Variants in SAGE1 observed in about 807,000 individuals in gnomAD.
SAGE1 encodes the protein cancer/testis antigen 14.
In SAGE1, 55 loss-of-function variants were observed where a neutral mutation model predicts 55.4. The ratio of observed to expected loss-of-function variants is 0.99; its 90% CI spans 0.80 to 1.24. SAGE1 has a LOEUF of 1.24. SAGE1 is among the 50% of genes most tolerant of loss of function. The probability of loss-of-function intolerance (pLI) is 0.00; values close to 1 mark genes in which losing one functional copy is unlikely to be tolerated. For missense variants in SAGE1, 710 were observed against 704.4 expected, an observed-to-expected ratio of 1.01 and a Z score of -0.09; for synonymous variants, 240 against 244.3, an observed-to-expected ratio of 0.98 and a Z score of 0.17.
chrX:135,894,578 AT>A (rs1234011372), intron 1 of SAGE1, among the ~76,000 whole-genome samples: 5 of 104,690 alleles, frequency 4.8e-5, no homozygotes, highest in Admixed American at 1.0e-4. Context: ...AGATTGTTAG[AT>A]TTTTTTTTTC....
chrX:135,895,894 G>T (rs1452761639), intron 1 of SAGE1, among the ~76,000 whole-genome samples: 46 of 111,388 alleles, frequency 4.1e-4, no homozygotes, highest in Non-Finnish European at 5.3e-4. Flanking sequence ...TTTTAGTTGG[G>T]ATGGTGGTAT....
chrX:135,895,687 A>T (rs1556593100), intron 1 of SAGE1, among the ~76,000 whole-genome samples: 1 of 111,607 alleles, frequency 9.0e-6, no homozygotes, highest in Non-Finnish European at 1.9e-5. Context: ...TCCACTTCAA[A>T]CGAGTCAGCT....
At chrX:135,900,320 A>G (rs2088652675) in intron 2 of SAGE1, among the ~76,000 whole-genome samples, 2 of 111,857 alleles carry the variant, frequency 1.8e-5, no homozygotes. Flanking sequence ...TTCTGAAATG[A>G]CCTTGCATCC....
chrX:135,900,296 CATTG>C (rs2088652080), intron 2 of SAGE1, among the ~76,000 whole-genome samples: 1 of 111,742 alleles, frequency 8.9e-6, no homozygotes, highest in African/African-American at 3.3e-5. Context: ...GAATTACATT[CATTG>C]ATTGGCCTAT....
intron 3 of SAGE1, 111 bp downstream of exon 3, chrX:135,901,802 T>A (rs2088684246): frequency 2.7e-6 from 2 of 733,366 alleles, no homozygotes; most frequent in Non-Finnish European, 4.0e-6. Context: ...GGCAAGGTTC[T>A]AATTAGGTGC....
At position 135,908,165 on chromosome X, in the gene SAGE1, T is replaced by C. The variant is rs2088830200; in HGVS notation, c.1236T>C (p.Ala412=). The C allele has an allele frequency of 8.3e-7, 1 of 1,206,108 alleles. No individual in the cohort carries two copies. The highest frequency in any genetic ancestry group is 1.8e-5 in the African/African-American group (1 of 57,006). The change falls in exon 11 of 20, where the codon GCT becomes GCC. Residue 412 remains alanine, a synonymous_variant. Coordinates refer to ENST00000370709, the MANE Select transcript of SAGE1 (RefSeq NM_001381902.1). ...SQPTPDNVLS[A]VTPELINLAG... is the part of the protein sequence containing the mutation. ...CAACCCCTGATAACGTCTTGTCAGC[T>C]GTTACACCAGAGCTTATTAACTTGG...
At position 135,907,704 on chromosome X, in the gene SAGE1, C is replaced by G; in HGVS notation, c.1022C>G (p.Ala341Gly). 8.3e-7 allele frequency: 1 copy of G among 1,209,350 alleles called. No individual in the cohort carries two copies. Among genetic ancestry groups the G allele is most frequent in the South Asian group, 1.8e-5 (1 of 56,546 alleles). Residue 341 changes from alanine to glycine, a missense_variant, in exon 10 of 20, where the codon GCT becomes GGT. By Grantham distance (60) the Ala-to-Gly change is moderately conservative. Coordinates refer to ENST00000370709, the MANE Select transcript of SAGE1 (RefSeq NM_001381902.1). ...IPGMNTRDQY[A>G]TITHNVCEER... ...AAGCTTTTCATTTGGTTTCCAGATGCTACCATCACTCACAATGTCTGTGAA... is the reference window on the plus strand; with the variant it reads ...AAGCTTTTCATTTGGTTTCCAGATGGTACCATCACTCACAATGTCTGTGAA...
At chrX:135,911,438 T>C in intron 17 of SAGE1, 106 bp downstream of exon 17, 1 of 938,840 alleles carries the variant, frequency 1.1e-6, no homozygotes. Flanking sequence ...TCAAACTTAG[T>C]TTGAGGGGTC....
intron 2 of SAGE1, among the ~76,000 whole-genome samples, chrX:135,901,271 G>T (rs782807601): frequency 9.1e-6 from 1 of 110,388 alleles, no homozygotes. Flanking sequence ...TATACCTTTG[G>T]ATGATGAAAG....
At chrX:135,905,038 G>T (rs782619541) in intron 4 of SAGE1, among the ~76,000 whole-genome samples, 1 of 111,588 alleles carries the variant, frequency 9.0e-6, no homozygotes, top group East Asian at 2.8e-4. Flanking sequence ...TGTCCTCCTT[G>T]GTTTCCATGT....
intron 9 of SAGE1, 91 bp from the exon 10 acceptor site, chrX:135,907,610 A>G (rs1291673209): frequency 1.9e-6 from 2 of 1,053,112 alleles, no homozygotes; most frequent in African/African-American, 1.9e-5. Flanking sequence ...TTATGAGTTA[A>G]TTTCCTAGAC....
intron 7 of SAGE1, 150 bp from the exon 8 acceptor site, chrX:135,906,776 T>C: frequency 3.2e-6 from 3 of 932,956 alleles, no homozygotes; most frequent in Non-Finnish European, 4.4e-6. Context: ...TTGTCTTTCC[T>C]GGCCTCAATT....
chrX:135,911,157 T>C, intron 16 of SAGE1, 35 bp from the exon 17 acceptor site: 1 of 1,202,114 alleles, frequency 8.3e-7, no homozygotes, highest in Non-Finnish European at 1.1e-6. Context: ...ATTATGCACT[T>C]ACTTCACAGC....
intron 3 of SAGE1, among the ~76,000 whole-genome samples, chrX:135,903,015 T>A (rs1297494545): frequency 1.3e-4 from 14 of 111,931 alleles, no homozygotes; most frequent in African/African-American, 4.5e-4. Context: ...TCATCTCTCC[T>A]AAGCACTCAG....
At chrX:135,905,506 G>A (rs782501739) in intron 5 of SAGE1, 114 bp downstream of exon 5, 43 of 701,717 alleles carry the variant, frequency 6.1e-5, no homozygotes, top group Non-Finnish European at 8.7e-5. Flanking sequence ...AATTTGAGGG[G>A]TCTCAGATGG....
intron 2 of SAGE1, among the ~76,000 whole-genome samples, chrX:135,899,850 C>G (rs781797795): frequency 1.8e-5 from 2 of 110,286 alleles, no homozygotes; most frequent in Non-Finnish European, 3.8e-5. Flanking sequence ...TTTTGTATCC[C>G]GAGACTTTGC....
At chrX:135,909,556 C>A in intron 13 of SAGE1, 83 bp from the exon 14 acceptor site, 1 of 950,199 alleles carries the variant, frequency 1.1e-6, no homozygotes, top group Non-Finnish European at 1.4e-6. Context: ...CAATTTCTTA[C>A]AAACTGAACA....
At position 135,901,523 on chromosome X, in the gene SAGE1, T is replaced by C. The variant is rs1556596633; in HGVS notation, c.88-36T>C. 4 of 1,188,327 alleles carry C rather than the reference T, an allele frequency of 3.4e-6. No homozygotes were observed. In the Admixed American group the frequency reaches 6.8e-5, roughly 20 times the overall value. On this transcript the variant is annotated intron_variant, in intron 2 of 19. Transcript: ENST00000370709. ...ACTGTGACTTTGCAGTGGTTGGATT[T>C]GTCTTTAATGGAATATGTTCACTGA...
At position 135,908,939 on chromosome X, in the gene SAGE1, A is replaced by G; in HGVS notation, c.1517A>G (p.Asn506Ser). 8.3e-7 allele frequency: 1 copy of G among 1,208,975 alleles called. No individual in the cohort carries two copies. Among genetic ancestry groups the G allele is most frequent in the Non-Finnish European group, 1.1e-6 (1 of 893,142 alleles). Residue 506 changes from asparagine to serine, a missense_variant, in exon 13 of 20, where the codon AAT (asparagine) becomes AGT (serine). Physicochemically the swap from Asn to Ser is conservative, Grantham distance 46. Coordinates refer to ENST00000370709, the MANE Select transcript of SAGE1 (RefSeq NM_001381902.1). ...CCCCAAACTGATAAGGTCATATCAAATGATGCACCACAGCTTGGTCATATG... is the reference window on the plus strand; with the variant it reads ...CCCCAAACTGATAAGGTCATATCAAGTGATGCACCACAGCTTGGTCATATG... ...GKPQTDKVIS[N>S]DAPQLGHMAA...
Sources: allele counts gnomAD v4.1 joint callset (sites outside exome capture counted in the v4.1 genomes callset), GRCh38; gene constraint gnomAD v4.1.1; transcripts MANE v1.5; gene names NCBI Gene and HGNC (gene_info 2026-07-23, HGNC 2026-07-21).